The following TCF4 variants were observed in gnomAD, a reference collection of about 807,000 sequenced individuals.
TCF4 encodes the protein transcription factor 4, also known as SL3-3 enhancer factor 2.
In TCF4, 3 loss-of-function variants were observed where a neutral mutation model predicts 82.1. That is an observed-to-expected ratio of 0.04 (90% CI 0.02 to 0.09). The LOEUF (loss-of-function observed/expected upper bound fraction) is 0.09. Ranked by LOEUF, TCF4 falls within the 10% of genes least tolerant of loss-of-function variation. The pLI is 1.00. For missense variants in TCF4, 518 were observed against 852.7 expected, an observed-to-expected ratio of 0.61 and a Z score of 4.89; for synonymous variants, 276 against 309.6, an observed-to-expected ratio of 0.89 and a Z score of 1.14.
chr18:55,540,978 A>G (rs1402952039), intron 3 of TCF4, among the ~76,000 whole-genome samples: 1 of 152,076 alleles, frequency 6.6e-6, no homozygotes, highest in East Asian at 1.9e-4. Flanking sequence ...GCCATTGCTA[A>G]GGTAATTGTG....
chr18:55,437,036 CT>C (rs766269624), intron 5 of TCF4, among the ~76,000 whole-genome samples: 29 of 152,228 alleles, frequency 1.9e-4, no homozygotes, highest in Non-Finnish European at 2.9e-4. Flanking sequence ...AAGCTAATTT[CT>C]TAGCATCCTT....
At chr18:55,536,749 TGCC>T (rs1330353010) in intron 3 of TCF4, among the ~76,000 whole-genome samples, 1 of 152,212 alleles carries the variant, frequency 6.6e-6, no homozygotes, top group Non-Finnish European at 1.5e-5. Context: ...TGAGTTTCAT[TGCC>T]AGTAAAACTG....
In TCF4 at chr18:55,222,658, C is replaced by G. The variant is rs1029907695; in HGVS notation, c.*5377G>C. 1.3e-5 allele frequency: 2 copies of G among 152,604 alleles called. No individual in the cohort carries two copies. The highest frequency in any genetic ancestry group is 4.8e-5 in the African/African-American group (2 of 41,440). 9.5% of individuals were successfully genotyped at this position (152,604 alleles called of 1,614,324 possible). A position where few individuals can be genotyped will look rare whatever the true frequency, so the allele number is the denominator to read the frequency against. On this transcript the variant is annotated 3_prime_UTR_variant, in exon 20 of 20. Coordinates refer to ENST00000354452, the MANE Select transcript of TCF4 (RefSeq NM_001083962.2). ...TTAGAACATTCTGTTATGAAGCGCT[C>G]AGCTACCGCGGGCTTTCCTTTACAT...
At chr18:55,585,526 A>G (rs905020067) in intron 2 of TCF4, 174 bp from the exon 3 acceptor site, 11 of 686,346 alleles carry the variant, frequency 1.6e-5, no homozygotes, top group Non-Finnish European at 2.7e-5. Context: ...TACAGATCCC[A>G]CCCCAGCCCC....
Position 55,351,001 on chromosome 18 carries a change from C to T in TCF4, c.372G>A (p.Gln124=). The T allele has an allele frequency of 6.2e-7, 1 of 1,613,122 alleles. No individual in the cohort carries two copies. The highest frequency in any genetic ancestry group is 8.5e-7 in the Non-Finnish European group (1 of 1,179,324). ...TATCCATGTCACCTCCAAGGAGACT[C>T]TGCTAAAAGGTTAAAAAGGGAAAAC... ...RESNLQGCHQ[Q]SLLGGDMDMG... Residue 124 remains glutamine, a splice_region_variant and synonymous_variant, in exon 7 of 20, where the codon CAG becomes CAA. Coordinates refer to ENST00000354452, the MANE Select transcript of TCF4 (RefSeq NM_001083962.2).
intron 3 of TCF4, among the ~76,000 whole-genome samples, chr18:55,541,715 A>C (rs892667011): frequency 3.9e-5 from 6 of 152,062 alleles, no homozygotes; most frequent in African/African-American, 1.4e-4. Context: ...GCAGTTGTGA[A>C]ATATTCATCT....
intron 3 of TCF4, among the ~76,000 whole-genome samples, chr18:55,547,887 T>C (rs1461003959): frequency 2.6e-5 from 4 of 152,216 alleles, no homozygotes; most frequent in Non-Finnish European, 5.9e-5. Flanking sequence ...ATTTTATCAA[T>C]TTAGACCAGA....
At chr18:55,342,583 C>G (rs2080229836) in intron 8 of TCF4, among the ~76,000 whole-genome samples, 1 of 152,238 alleles carries the variant, frequency 6.6e-6, no homozygotes, top group Admixed American at 6.5e-5. Context: ...TAAACATTCT[C>G]CTAATAAATT....
chr18:55,321,560 A>G, intron 8 of TCF4: 1 of 1,414,944 alleles, frequency 7.1e-7, no homozygotes, highest in Non-Finnish European at 9.6e-7. Context: ...GCACCCAGGA[A>G]GGTGCGGCAG....
chr18:55,465,019 A>G (rs1252863800), intron 3 of TCF4, among the ~76,000 whole-genome samples: 2 of 152,220 alleles, frequency 1.3e-5, no homozygotes, highest in East Asian at 3.8e-4. Context: ...AGTGTTTTAA[A>G]GATCAGTTGC....
intron 6 of TCF4, among the ~76,000 whole-genome samples, chr18:55,394,907 T>C (rs944402296): frequency 6.6e-6 from 1 of 152,202 alleles, no homozygotes; most frequent in East Asian, 1.9e-4. Context: ...GTTATCACTA[T>C]CAGGCACGGC....
chr18:55,416,525 G>A (rs922972670), intron 5 of TCF4, among the ~76,000 whole-genome samples: 2 of 152,090 alleles, frequency 1.3e-5, no homozygotes, highest in South Asian at 2.1e-4. Context: ...CTCTATTCAC[G>A]AAACAAAAAC....
chr18:55,440,923 G>C (rs180693487), intron 5 of TCF4, among the ~76,000 whole-genome samples: 1 of 152,136 alleles, frequency 6.6e-6, no homozygotes, highest in African/African-American at 2.4e-5. Context: ...TTCCATTCTG[G>C]GTGCTTTTTC....
At chr18:55,562,941 G>C (rs1288166313) in intron 3 of TCF4, among the ~76,000 whole-genome samples, 2 of 151,896 alleles carry the variant, frequency 1.3e-5, no homozygotes, top group African/African-American at 4.8e-5. Context: ...ACAACTACTG[G>C]AATAAAAAAT....
At position 55,629,292 on chromosome 18, in the gene TCF4, T is replaced by G. The variant is rs564510497; in HGVS notation, c.286+2006A>C. On this transcript the variant is annotated intron_variant, in intron 2 of 20. Transcript: ENST00000398339. ...GGAAATGTAAAATTCATACCAATAT[T>G]TATAGCTCTCTGGCAAAGCATTGGC... 4.3e-4 allele frequency among the ~76,000 whole-genome samples: 66 copies of G among 152,326 alleles called. 2 individuals are homozygous for G. In the South Asian group the frequency reaches 0.013, roughly 29 times the overall value.
chr18:55,385,492 C>T lies in TCF4; in HGVS notation c.369+17962G>A, dbSNP rs28626275. ...TCTTGGCTCACTTCAGCCTCTGCCT[C>T]CCAGGTTCAAGTGATTCTCCTGCCT... On this transcript the variant is annotated intron_variant, in intron 6 of 19. Coordinates refer to ENST00000354452, the MANE Select transcript of TCF4 (RefSeq NM_001083962.2). Among the ~76,000 whole-genome samples the T allele has an allele frequency of 8.6e-3, 1,304 of 152,294 alleles. 17 individuals are homozygous for T. Among genetic ancestry groups the T allele is most frequent in the Middle Eastern group, 0.037 (11 of 294 alleles).
intron 3 of TCF4, among the ~76,000 whole-genome samples, chr18:55,468,521 T>C (rs2096083346): frequency 6.6e-6 from 1 of 152,194 alleles, no homozygotes; most frequent in Non-Finnish European, 1.5e-5. Context: ...CTCAATACGA[T>C]AGTTCAGCAA....
At chr18:55,252,358 T>TTG (rs3831430) in intron 15 of TCF4, among the ~76,000 whole-genome samples, 16,678 of 149,816 alleles carry the variant, frequency 0.11, 1,030 homozygotes, top group African/African-American at 0.15. Flanking sequence ...TTTATTGCTT[T>TTG]TGTGTGTGTG....
At chr18:55,326,686 G>T (rs73490819) in intron 8 of TCF4, among the ~76,000 whole-genome samples, 276 of 152,226 alleles carry the variant, frequency 1.8e-3, no homozygotes, top group African/African-American at 6.6e-3. Flanking sequence ...CAAGGAATAG[G>T]AGGTTACCCT....
Sources: gnomAD v4.1 joint callset for allele counts (sites outside exome capture counted in the v4.1 genomes callset) on GRCh38, gnomAD v4.1.1 for gene constraint, MANE v1.5 for transcripts, NCBI Gene and HGNC (gene_info 2026-07-23, HGNC 2026-07-21) for gene names.